Variants in EFTUD2 observed in about 807,000 individuals in gnomAD.
EFTUD2 encodes elongation factor Tu GTP binding domain containing 2, also known as 116 kDa U5 small nuclear ribonucleoprotein component.
Under a neutral mutation model 114.3 loss-of-function variants are expected in EFTUD2, and 9 were observed. That is an observed-to-expected ratio of 0.08 (90% CI 0.05 to 0.14). EFTUD2 has a LOEUF of 0.14. EFTUD2 is among the 10% of genes least tolerant of loss of function. The probability of loss-of-function intolerance (pLI) is 1.00; values close to 1 mark genes in which losing one functional copy is unlikely to be tolerated. For missense variants in EFTUD2, 765 were observed against 1,241.2 expected (o/e 0.62, Z 5.76); for synonymous variants, 449 against 462.3 (o/e 0.97, Z 0.37).
chr17:44,867,823 T>C lies in EFTUD2; in HGVS notation c.1133A>G (p.Tyr378Cys), dbSNP rs1330413836. ...CACACTCACCTGGGCGAGGATCTTA[T>C]AAAGAGGCTCCAAGATAAACTCCAC... ...SFVEFILEPL[Y>C]KILAQVVGDV... is the part of the protein sequence containing the mutation. Residue 378 changes from tyrosine (Y) to cysteine (C), a missense_variant, in exon 13 of 28, where the codon TAT becomes TGT. Tyr to Cys is a radical substitution (Grantham distance 194). Transcript: ENST00000426333. 6.2e-7 allele frequency: 1 copy of C among 1,601,944 alleles called. No individual in the cohort carries two copies. The highest frequency in any genetic ancestry group is 8.5e-7 in the Non-Finnish European group (1 of 1,173,938).
At chr17:44,874,895 CT>C (rs537522751) in intron 10 of EFTUD2, among the ~76,000 whole-genome samples, 92 of 152,348 alleles carry the variant, frequency 6.0e-4, no homozygotes, top group Middle Eastern at 6.8e-3. Context: ...CATCAAATAT[CT>C]ATTTAATTTC....
chr17:44,878,773 A>G (rs1735182713), intron 9 of EFTUD2, among the ~76,000 whole-genome samples: 2 of 152,188 alleles, frequency 1.3e-5, no homozygotes, highest in African/African-American at 4.8e-5. Flanking sequence ...GTTTGCTGCT[A>G]TTCCAAAATG....
At chr17:44,865,116 T>A in intron 13 of EFTUD2, 51 bp from the exon 14 acceptor site, 1 of 1,599,864 alleles carries the variant, frequency 6.3e-7, no homozygotes, top group South Asian at 1.1e-5. Context: ...CTGAGCATGG[T>A]GCTAGAGGGA....
At position 44,851,244 on chromosome 17, in the gene EFTUD2, GGGAGCA is replaced by G; in HGVS notation, c.*24_*29del. 1 of 1,585,776 alleles carries G rather than the reference GGGAGCA, an allele frequency of 6.3e-7. No individual in the cohort carries two copies. Among genetic ancestry groups the G allele is most frequent in the Non-Finnish European group, 8.7e-7 (1 of 1,154,668 alleles). On this transcript the variant is annotated 3_prime_UTR_variant, in exon 28 of 28. Transcript: ENST00000426333. The stretch of plus-strand genomic sequence containing the variant: ...AGTACAGGAGTTGCAGCCCACTGTA[GGGAGCA>G]GGAGCTCCCAGGAGTCCACGCACTC...
intron 15 of EFTUD2, 110 bp downstream of exon 15, chr17:44,863,545 T>A: frequency 6.8e-7 from 1 of 1,466,934 alleles, no homozygotes; most frequent in Non-Finnish European, 9.2e-7. Flanking sequence ...CTCATGGGGA[T>A]GGGGAGGCAA....
intron 27 of EFTUD2, 76 bp downstream of exon 27, chr17:44,851,634 A>G: frequency 2.8e-6 from 4 of 1,405,700 alleles, no homozygotes; most frequent in Non-Finnish European, 3.8e-6. Context: ...AAAGGGGCCA[A>G]AAGAAAGAGA....
intron 1 of EFTUD2, among the ~76,000 whole-genome samples, chr17:44,894,905 T>A (rs2051350968): frequency 6.6e-6 from 1 of 152,248 alleles, no homozygotes; most frequent in Non-Finnish European, 1.5e-5. Flanking sequence ...AATTTAATTT[T>A]AAAACAACTC....
chr17:44,891,403 G>A (rs919661954), intron 2 of EFTUD2, among the ~76,000 whole-genome samples: 9 of 152,220 alleles, frequency 5.9e-5, no homozygotes, highest in African/African-American at 1.7e-4. Context: ...ACGCTAGAGT[G>A]CAGTGGCATG....
chr17:44,884,519 GAA>G (rs35195434), intron 4 of EFTUD2, among the ~76,000 whole-genome samples: 2 of 130,666 alleles, frequency 1.5e-5, no homozygotes, highest in Non-Finnish European at 3.3e-5. Flanking sequence ...ACCCCGCATC[GAA>G]AAAAAAAAAA....
intron 17 of EFTUD2, 60 bp from the exon 18 acceptor site, chr17:44,860,105 G>A (rs1436381188): frequency 6.2e-7 from 1 of 1,611,084 alleles, no homozygotes; most frequent in African/African-American, 1.3e-5. Context: ...AGAAAGTGCA[G>A]AGGTATGAGA....
intron 12 of EFTUD2, 26 bp downstream of exon 12, chr17:44,868,261 A>G: frequency 6.2e-7 from 1 of 1,605,906 alleles, no homozygotes; most frequent in South Asian, 1.1e-5. Context: ...ACCCCTCTGG[A>G]AAGTCACGTC....
intron 1 of EFTUD2, among the ~76,000 whole-genome samples, chr17:44,897,277 AT>A (rs2051407006): frequency 6.6e-6 from 1 of 150,946 alleles, no homozygotes. Context: ...GTTAGCTAGC[AT>A]TATTTTTTGC....
intron 7 of EFTUD2, 28 bp from the exon 8 acceptor site, chr17:44,880,672 C>G: frequency 6.3e-7 from 1 of 1,591,168 alleles, no homozygotes; most frequent in Non-Finnish European, 8.6e-7. Flanking sequence ...TGGTCAAGAC[C>G]TCTTCCTATG....
intron 6 of EFTUD2, among the ~76,000 whole-genome samples, chr17:44,882,553 T>C (rs1057175499): frequency 1.3e-5 from 2 of 152,164 alleles, no homozygotes; most frequent in East Asian, 1.9e-4. Flanking sequence ...ACCACTCTTT[T>C]TGAGTTGGGG....
chr17:44,852,496 C>T lies in EFTUD2; in HGVS notation c.2628G>A (p.Pro876=), dbSNP rs1313559869. Residue 876 remains proline, a synonymous_variant, in exon 26 of 28, where the codon CCG becomes CCA. Coordinates refer to ENST00000426333, the MANE Select transcript of EFTUD2 (RefSeq NM_004247.4). ...TCTCAAAGCCAAAAGAGTCGATGGCCGGGATAAAAGCTTTGATGGTGTACA... is the reference window on the plus strand; with the variant it reads ...TCTCAAAGCCAAAAGAGTCGATGGCTGGGATAAAAGCTTTGATGGTGTACA... ...SPLYTIKAFI[P]AIDSFGFETD... The T allele has an allele frequency of 6.2e-6, 10 of 1,613,982 alleles. No individual in the cohort carries two copies. Among genetic ancestry groups the T allele is most frequent in the Admixed American group, 1.7e-5 (1 of 59,998 alleles).
chr17:44,868,215 A>T, intron 12 of EFTUD2, 72 bp downstream of exon 12: 2 of 1,379,140 alleles, frequency 1.5e-6, no homozygotes, highest in South Asian at 1.4e-5. Context: ...TTGAACTCAG[A>T]GAATTTCACT....
At position 44,850,769 on chromosome 17, in the gene EFTUD2, G is replaced by T. The variant is rs947920725; in HGVS notation, c.*505C>A. On this transcript the variant is annotated 3_prime_UTR_variant, in exon 28 of 28. Transcript: ENST00000426333. ...ATGGGAACACTGAATTAAAAGGCAG[G>T]CGGCTTCCCTGGGGACCCAGGCAGG... The T allele has an allele frequency of 8.8e-6, 2 of 227,798 alleles. No individual in the cohort carries two copies. Among genetic ancestry groups the T allele is most frequent in the Admixed American group, 1.0e-4 (2 of 19,888 alleles). 14.1% of individuals were successfully genotyped at this position (227,798 alleles called of 1,614,324 possible). A position where few individuals can be genotyped will look rare whatever the true frequency, so the allele number is the denominator to read the frequency against.
Position 44,885,353 on chromosome 17 carries a change from G to A in EFTUD2, c.272-19C>T. 1.9e-6 allele frequency: 3 copies of A among 1,548,948 alleles called. No homozygotes were observed. The highest frequency in any genetic ancestry group is 2.7e-6 in the Non-Finnish European group (3 of 1,122,014). ...ATGGGTTCTAGAAGAAAAAAAAAAG[G>A]TAGTGATGTGTAGGTGGGCATAAAA... On this transcript the variant is annotated intron_variant, in intron 3 of 27. Coordinates refer to ENST00000426333, the MANE Select transcript of EFTUD2 (RefSeq NM_004247.4).
chr17:44,859,698 C>A, intron 18 of EFTUD2: 1 of 732,708 alleles, frequency 1.4e-6, no homozygotes, highest in Non-Finnish European at 2.2e-6. Context: ...CCCCCTCCTA[C>A]ACAGGTCTTG....
Sources: allele counts gnomAD v4.1 joint callset (sites outside exome capture counted in the v4.1 genomes callset), GRCh38; gene constraint gnomAD v4.1.1; transcripts MANE v1.5; gene names NCBI Gene and HGNC (gene_info 2026-07-23, HGNC 2026-07-21).